Variants in ENTPD7 observed in about 807,000 individuals in gnomAD.
The protein encoded by ENTPD7 is NTPDase 7.
In ENTPD7, 53 loss-of-function variants were observed where a neutral mutation model predicts 77.9. That is an observed-to-expected ratio of 0.68 (90% CI 0.55 to 0.85). The LOEUF (loss-of-function observed/expected upper bound fraction) is 0.85, where lower values mean the gene tolerates loss of function less well. Ranked by LOEUF, ENTPD7 falls within the 40% of genes least tolerant of loss-of-function variation. ENTPD7 has a pLI of 0.00. For missense variants in ENTPD7, 636 were observed against 743.7 expected (o/e 0.86, Z 1.68); for synonymous variants, 248 against 274.9 (o/e 0.90, Z 0.97).
intron 8 of ENTPD7, among the ~76,000 whole-genome samples, chr10:99,695,458 G>A (rs1015885186): frequency 1.9e-4 from 29 of 151,650 alleles, no homozygotes; most frequent in Non-Finnish European, 5.9e-5. Flanking sequence ...GGAGGCGGAG[G>A]TTGCAGTGAG....
intron 2 of ENTPD7, chr10:99,660,323 GA>G: frequency 5.0e-6 from 6 of 1,193,232 alleles, no homozygotes; most frequent in Non-Finnish European, 6.3e-6. Flanking sequence ...CAGACAGACC[GA>G]GGTCCTTTTG....
chr10:99,704,561 A>AT lies in ENTPD7; in HGVS notation c.1694dup (p.Phe566LeufsTer27), dbSNP rs1564638154. 1 of 1,614,108 alleles carries AT rather than the reference A, an allele frequency of 6.2e-7. No homozygotes were observed. Among genetic ancestry groups the AT allele is most frequent in the Non-Finnish European group, 8.5e-7 (1 of 1,180,008 alleles). On this transcript the variant is annotated frameshift_variant, in exon 13 of 13. Coordinates refer to ENST00000370489, the MANE Select transcript of ENTPD7 (RefSeq NM_020354.5). LOFTEE classifies it high-confidence loss of function. ...CTGTATCCTGGTGGTGCTACTGGCCATCTTCCTATACCTTCTGCGGCTACG... is the reference window on the plus strand; with the variant it reads ...CTGTATCCTGGTGGTGCTACTGGCCATTCTTCCTATACCTTCTGCGGCTACG...
intron 2 of ENTPD7, chr10:99,660,520 G>T: frequency 2.6e-6 from 1 of 383,170 alleles, no homozygotes; most frequent in Non-Finnish European, 5.0e-6. Context: ...CCGAGGGAAT[G>T]GATACGCACA....
chr10:99,703,431 C>T (rs1031074208), intron 12 of ENTPD7, among the ~76,000 whole-genome samples: 1 of 152,238 alleles, frequency 6.6e-6, no homozygotes, highest in South Asian at 2.1e-4. Flanking sequence ...CACACACAAG[C>T]ACTGTCCCAG....
intron 5 of ENTPD7, 105 bp downstream of exon 5, chr10:99,679,980 C>T: frequency 7.7e-7 from 1 of 1,305,456 alleles, no homozygotes; most frequent in Non-Finnish European, 1.0e-6. Flanking sequence ...CCCCTAAACC[C>T]AATTATGACA....
intron 10 of ENTPD7, among the ~76,000 whole-genome samples, chr10:99,699,913 C>G (rs1200915726): frequency 2.0e-5 from 3 of 151,866 alleles, no homozygotes; most frequent in South Asian, 4.2e-4. Context: ...TCTTCCCTGC[C>G]TACCTTTCTC....
intron 8 of ENTPD7, 52 bp downstream of exon 8, chr10:99,691,570 A>G: frequency 1.2e-6 from 2 of 1,602,300 alleles, no homozygotes; most frequent in Non-Finnish European, 1.7e-6. Flanking sequence ...GTATTTGAGA[A>G]GGAAGGACAC....
chr10:99,693,574 T>G (rs2035917801), intron 8 of ENTPD7, among the ~76,000 whole-genome samples: 1 of 152,188 alleles, frequency 6.6e-6, no homozygotes, highest in Admixed American at 6.5e-5. Flanking sequence ...AACATGGTTA[T>G]GGAAAGCAAC....
chr10:99,689,069 T>C (rs1280359075), intron 7 of ENTPD7, among the ~76,000 whole-genome samples: 2 of 152,114 alleles, frequency 1.3e-5, no homozygotes, highest in African/African-American at 4.8e-5. Context: ...TTGAATGTTT[T>C]AAAAAGCAAA....
intron 3 of ENTPD7, among the ~76,000 whole-genome samples, chr10:99,674,438 CTG>C (rs1394337064): frequency 6.6e-6 from 1 of 152,160 alleles, no homozygotes; most frequent in African/African-American, 2.4e-5. Context: ...GATCATAACT[CTG>C]TATCCATTAA....
intron 8 of ENTPD7, among the ~76,000 whole-genome samples, chr10:99,693,832 C>T (rs1044163032): frequency 6.6e-6 from 1 of 151,780 alleles, no homozygotes; most frequent in South Asian, 2.1e-4. Context: ...GCAGGAGAAT[C>T]GCTTGAACCT....
chr10:99,683,230 A>G (rs965304820), intron 5 of ENTPD7, among the ~76,000 whole-genome samples: 9 of 152,210 alleles, frequency 5.9e-5, no homozygotes, highest in African/African-American at 1.2e-4. Context: ...GTTGGCATAA[A>G]TGTGACTATC....
intron 3 of ENTPD7, among the ~76,000 whole-genome samples, chr10:99,664,044 A>T (rs543645662): frequency 3.5e-4 from 53 of 151,756 alleles, no homozygotes; most frequent in Admixed American, 8.5e-4. Context: ...GTAGTGTTTA[A>T]TCTACTGTTC....
At chr10:99,700,410 G>GTA (rs2036092542) in intron 10 of ENTPD7, among the ~76,000 whole-genome samples, 1 of 8,460 alleles carries the variant, frequency 1.2e-4, no homozygotes, top group Admixed American at 1.8e-3. Flanking sequence ...GTGTGTGTGT[G>GTA]TGTATGTGTG....
At chr10:99,666,878 GTGCATCACTT>G (rs1213080858) in intron 3 of ENTPD7, among the ~76,000 whole-genome samples, 1 of 152,212 alleles carries the variant, frequency 6.6e-6, no homozygotes. Context: ...TCTACTGAAT[GTGCATCACTT>G]TTGCACCATC....
In ENTPD7 at chr10:99,706,616, T is replaced by A. The variant is rs1409246643; in HGVS notation, c.*1933T>A. On this transcript the variant is annotated 3_prime_UTR_variant, in exon 13 of 13. Coordinates refer to ENST00000370489, the MANE Select transcript of ENTPD7 (RefSeq NM_020354.5). ...TCCCAAAGTGCTGGGATTACAAGCATGAGCTACTGCACCTGCCCTCTGTTT... is the reference window on the plus strand; with the variant it reads ...TCCCAAAGTGCTGGGATTACAAGCAAGAGCTACTGCACCTGCCCTCTGTTT... 6.6e-6 allele frequency among the ~76,000 whole-genome samples: 1 copy of A among 152,200 alleles called. No individual in the cohort carries two copies. The highest frequency in any genetic ancestry group is 2.4e-5 in the African/African-American group (1 of 41,450).
chr10:99,661,251 G>T (rs1448043789), intron 2 of ENTPD7, among the ~76,000 whole-genome samples, 195 bp from the exon 3 acceptor site: 2 of 152,124 alleles, frequency 1.3e-5, no homozygotes, highest in African/African-American at 4.8e-5. Context: ...TGGAAAAAGG[G>T]CAGATAAGGC....
chr10:99,682,467 A>C (rs1043397545), intron 5 of ENTPD7, among the ~76,000 whole-genome samples: 1 of 152,112 alleles, frequency 6.6e-6, no homozygotes, highest in African/African-American at 2.4e-5. Flanking sequence ...TGCCCCATAC[A>C]TTTCAGTCTT....
chr10:99,706,791 T>C lies in ENTPD7; in HGVS notation c.*2108T>C, dbSNP rs536367330. Among the ~76,000 whole-genome samples, 45 of 152,362 alleles carry C rather than the reference T, an allele frequency of 3.0e-4. No homozygotes were observed. The highest frequency in any genetic ancestry group is 1.0e-3 in the African/African-American group (43 of 41,590). Reference sequence around the variant, plus strand: ...AAATAATGTCAAAATATGTTTTAGCTGCCTACTCAGGTAACGTTTTCTTTT... The same window carrying C: ...AAATAATGTCAAAATATGTTTTAGCCGCCTACTCAGGTAACGTTTTCTTTT... On this transcript the variant is annotated 3_prime_UTR_variant, in exon 13 of 13. Transcript: ENST00000370489.
Sources: allele counts gnomAD v4.1 joint callset (sites outside exome capture counted in the v4.1 genomes callset), GRCh38; gene constraint gnomAD v4.1.1; transcripts MANE v1.5; gene names NCBI Gene and HGNC (gene_info 2026-07-23, HGNC 2026-07-21).